The following RELL1 variants were observed in gnomAD, a reference collection of about 807,000 sequenced individuals.
RELL1 encodes the protein RELT-like protein 1.
In RELL1, 10 loss-of-function variants were observed where a neutral mutation model predicts 23.0. The observed-to-expected ratio is 0.43, with a 90% CI of 0.27 to 0.74. The LOEUF is 0.74. RELL1 is among the 30% of genes least tolerant of loss of function. The pLI, the probability that RELL1 is intolerant of heterozygous loss-of-function variation, is 0.19. For synonymous variants in RELL1, 146 were observed against 146.8 expected (o/e 0.99, Z 0.04); for missense variants, 315 against 364.4 (o/e 0.86, Z 1.10).
intron 1 of RELL1, among the ~76,000 whole-genome samples, chr4:37,663,947 A>G (rs1031168505): frequency 3.3e-5 from 5 of 152,190 alleles, no homozygotes; most frequent in African/African-American, 1.2e-4. Context: ...GAACTTGCAC[A>G]TATCTTCTTC....
At chr4:37,641,691 G>A (rs10517439) in intron 3 of RELL1, among the ~76,000 whole-genome samples, 1,587 of 152,242 alleles carry the variant, frequency 0.01, 42 homozygotes, top group African/African-American at 0.036. Flanking sequence ...ATCCCTGCTT[G>A]ATAATATGCA....
At chr4:37,674,965 T>A (rs1721973054) in intron 1 of RELL1, among the ~76,000 whole-genome samples, 2 of 152,248 alleles carry the variant, frequency 1.3e-5, no homozygotes, top group South Asian at 4.1e-4. Context: ...ACTCAAAGAT[T>A]GGTAATAGCA....
intron 1 of RELL1, among the ~76,000 whole-genome samples, chr4:37,685,837 G>T (rs1419748631): frequency 6.6e-6 from 1 of 152,262 alleles, no homozygotes; most frequent in Non-Finnish European, 1.5e-5. Context: ...CGCCTTTGAG[G>T]ACAAGGGCGG....
chr4:37,631,316 G>C (rs1720120345), intron 6 of RELL1, 69 bp downstream of exon 6: 1 of 1,501,934 alleles, frequency 6.7e-7, no homozygotes. Flanking sequence ...ACAGCACCTG[G>C]GAGGCTCCAA....
At chr4:37,645,991 G>A (rs1720698068) in intron 3 of RELL1, among the ~76,000 whole-genome samples, 1 of 152,192 alleles carries the variant, frequency 6.6e-6, no homozygotes, top group African/African-American at 2.4e-5. Context: ...AGAGGAGCAG[G>A]TATTTACTGA....
chr4:37,673,960 A>G (rs987650317), intron 1 of RELL1, among the ~76,000 whole-genome samples: 1 of 152,130 alleles, frequency 6.6e-6, no homozygotes, highest in Non-Finnish European at 1.5e-5. Flanking sequence ...TCCCACCTCC[A>G]TGCCTTTGCA....
intron 1 of RELL1, among the ~76,000 whole-genome samples, chr4:37,678,049 G>A (rs538043862): frequency 6.6e-6 from 1 of 152,338 alleles, no homozygotes; most frequent in Admixed American, 6.5e-5. Context: ...CAGTTCTGCA[G>A]GCTGTATAGG....
At chr4:37,590,779 T>C, downstream of RELL1, 1 of 1,614,018 alleles carries the variant, frequency 6.2e-7, no homozygotes, top group South Asian at 1.1e-5. Flanking sequence ...CTGGGATTCA[T>C]TGAATGAGGA....
chr4:37,640,085 C>T (rs539545957), intron 3 of RELL1, among the ~76,000 whole-genome samples: 2 of 151,934 alleles, frequency 1.3e-5, no homozygotes, highest in South Asian at 4.2e-4. Flanking sequence ...TTTTTTGGCC[C>T]CGATCCAATT....
intron 6 of RELL1, among the ~76,000 whole-genome samples, chr4:37,604,703 C>CTT (rs2109491666): frequency 6.6e-6 from 1 of 152,014 alleles, no homozygotes; most frequent in East Asian, 1.9e-4. Flanking sequence ...AAGGAGCTGA[C>CTT]TTAAGAAACT....
At chr4:37,680,310 G>T (rs1305022978) in intron 1 of RELL1, among the ~76,000 whole-genome samples, 1 of 152,192 alleles carries the variant, frequency 6.6e-6, no homozygotes, top group African/African-American at 2.4e-5. Flanking sequence ...CCTCAAAAAT[G>T]TGAACATCTT....
intron 1 of RELL1, among the ~76,000 whole-genome samples, chr4:37,652,789 T>G (rs1026370819): frequency 2.0e-5 from 3 of 152,176 alleles, no homozygotes; most frequent in African/African-American, 7.2e-5. Flanking sequence ...CTTAATTTCA[T>G]AATTATCGTG....
rs200460599 is a variant in RELL1, at chr4:37,649,516, T to G, written c.89-16A>C. 6.2e-7 allele frequency: 1 copy of G among 1,601,824 alleles called. No homozygotes were observed. The highest frequency in any genetic ancestry group is 8.5e-7 in the Non-Finnish European group (1 of 1,170,110). On this transcript the variant is annotated splice_polypyrimidine_tract_variant and intron_variant, in intron 1 of 6. Transcript: ENST00000454158. ...CTCCCATTGTCTACAGAAAGAAACATGCATGCTGCATTAGATATCTGTCCA... is the reference window on the plus strand; with the variant it reads ...CTCCCATTGTCTACAGAAAGAAACAGGCATGCTGCATTAGATATCTGTCCA...
intron 6 of RELL1, among the ~76,000 whole-genome samples, chr4:37,624,416 TTC>T (rs1183170876): frequency 2.8e-4 from 33 of 119,976 alleles, no homozygotes; most frequent in Non-Finnish European, 4.6e-4. Flanking sequence ...CTTTCTTTCT[TTC>T]TTTTTTTTTT....
chr4:37,632,274 C>T (rs933711287), intron 5 of RELL1, among the ~76,000 whole-genome samples: 1 of 151,702 alleles, frequency 6.6e-6, no homozygotes, highest in East Asian at 2.0e-4. Flanking sequence ...TGGGTTTAAG[C>T]GACTCTCCTG....
At chr4:37,636,944 T>G (rs1460411663) in intron 4 of RELL1, among the ~76,000 whole-genome samples, 1 of 152,244 alleles carries the variant, frequency 6.6e-6, no homozygotes, top group Non-Finnish European at 1.5e-5. Flanking sequence ...TGGTGCTCTT[T>G]AGGGATGCCT....
In RELL1 at chr4:37,669,388, C is replaced by T. The variant is rs1179047426; in HGVS notation, c.88+16812G>A. On this transcript the variant is annotated intron_variant, in intron 1 of 6. Transcript: ENST00000454158. ...GGGGTCAGTCCCCGGCCCGGCCAGC[C>T]GCCCCGTCCGGGAGGGAGGTGGGGG... Among the ~76,000 whole-genome samples, 5 of 148,246 alleles carry T rather than the reference C, an allele frequency of 3.4e-5. No individual in the cohort carries two copies. In the East Asian group the frequency reaches 1.0e-3, roughly 30 times the overall value.
intron 3 of RELL1, among the ~76,000 whole-genome samples, chr4:37,645,581 C>T (rs2109278239): frequency 6.6e-6 from 1 of 152,262 alleles, no homozygotes; most frequent in Admixed American, 6.5e-5. Flanking sequence ...AAATTGACAA[C>T]TGCATATTAG....
chr4:37,664,370 C>G (rs1440672389), intron 1 of RELL1, among the ~76,000 whole-genome samples: 1 of 132,800 alleles, frequency 7.5e-6, no homozygotes, highest in Non-Finnish European at 1.6e-5. Context: ...GAGACTCCAT[C>G]TCAAAAAAAA....
Sources: allele counts gnomAD v4.1 joint callset (sites outside exome capture counted in the v4.1 genomes callset), GRCh38; gene constraint gnomAD v4.1.1; transcripts MANE v1.5; gene names NCBI Gene and HGNC (gene_info 2026-07-23, HGNC 2026-07-21).